The following CYLC2 variants were observed in gnomAD, a reference collection of about 807,000 sequenced individuals.
CYLC2 encodes the protein cylicin 2.
CYLC2 carries 30 observed loss-of-function variants against 26.1 expected under a neutral mutation model. The observed-to-expected ratio is 1.15, with a 90% CI of 0.86 to 1.56. CYLC2 has a LOEUF of 1.56. CYLC2 is among the 40% of genes most tolerant of loss of function. The pLI is 0.00. For synonymous variants in CYLC2, 158 were observed against 132.8 expected (o/e 1.19, Z -1.31); for missense variants, 498 against 394.4 (o/e 1.26, Z -2.23).
intron 7 of CYLC2, among the ~76,000 whole-genome samples, chr9:103,017,879 G>A (rs1451008238): frequency 1.3e-5 from 2 of 151,836 alleles, no homozygotes; most frequent in Non-Finnish European, 2.9e-5. Context: ...TCTTCACATG[G>A]TCTTTCCTCT....
In CYLC2 at chr9:103,012,544, T is replaced by C. The variant is rs774367907; in HGVS notation, c.*816+447T>C. Among the ~76,000 whole-genome samples the C allele has an allele frequency of 2.6e-5, 4 of 152,148 alleles. No individual in the cohort carries two copies. The South Asian group carries it at 6.2e-4, about 24-fold the overall frequency. On this transcript the variant is annotated intron_variant, in intron 6 of 7. Transcript: ENST00000374798. Reference sequence around the variant, plus strand: ...CTTTTTTAAATAATTCAAATGTAAGTTCTTCACTTAGCCTAATCTGAGCCC... The same window carrying C: ...CTTTTTTAAATAATTCAAATGTAAGCTCTTCACTTAGCCTAATCTGAGCCC...
chr9:103,005,925 G>A lies in CYLC2; in HGVS notation c.*247G>A, dbSNP rs955648996. The stretch of plus-strand genomic sequence containing the variant: ...TTGAAGAATACATATACTTATATTC[G>A]GGGATATGAAGGATTCAATGAATGA... On this transcript the variant is annotated 3_prime_UTR_variant, in exon 5 of 8. Transcript: ENST00000374798. 6 of 411,248 alleles carry A rather than the reference G, an allele frequency of 1.5e-5. No homozygotes were observed. The highest frequency in any genetic ancestry group is 1.1e-4 in the East Asian group (3 of 26,664). 25.5% of individuals were successfully genotyped at this position (411,248 alleles called of 1,614,324 possible).
intron 1 of CYLC2, among the ~76,000 whole-genome samples, chr9:102,995,786 G>A (rs1829230983): frequency 6.6e-6 from 1 of 151,832 alleles, no homozygotes; most frequent in African/African-American, 2.4e-5. Flanking sequence ...GAGTGTGACT[G>A]AATTTTAGAG....
chr9:103,005,741 G>A lies in CYLC2; in HGVS notation c.*63G>A. 6.7e-7 allele frequency: 1 copy of A among 1,500,482 alleles called. No individual in the cohort carries two copies. The highest frequency in any genetic ancestry group is 1.4e-5 in the South Asian group (1 of 73,158). The allele number at this position is 1,500,482 out of a possible 1,614,324, so 92.9% of individuals were successfully genotyped here. A position where few individuals can be genotyped will look rare whatever the true frequency, so the allele number is the denominator to read the frequency against. On this transcript the variant is annotated 3_prime_UTR_variant, in exon 5 of 8. Transcript: ENST00000374798. ...AAGCATATTTGATGAAACAATAGTG[G>A]TAGTCTGCAGCTGAATTTGTGAGAA... is the stretch of plus-strand genomic sequence containing the variant.
intron 5 of CYLC2, among the ~76,000 whole-genome samples, chr9:103,009,988 T>C (rs962074847): frequency 1.4e-5 from 1 of 71,494 alleles, no homozygotes; most frequent in Non-Finnish European, 2.8e-5. Flanking sequence ...ACATTTTACA[T>C]GTATGTGTAT....
chr9:103,013,123 A>G (rs1184676138), intron 6 of CYLC2, among the ~76,000 whole-genome samples: 1 of 136,122 alleles, frequency 7.3e-6, no homozygotes, highest in Non-Finnish European at 1.6e-5. Context: ...AATAATATAA[A>G]AATATATATC....
At chr9:103,007,306 C>A (rs945116021) in intron 5 of CYLC2, among the ~76,000 whole-genome samples, 1 of 152,000 alleles carries the variant, frequency 6.6e-6, no homozygotes, top group African/African-American at 2.4e-5. Flanking sequence ...ACCAATTAAG[C>A]ATCCAAAGTT....
At chr9:103,015,918 A>C (rs915565063) in intron 6 of CYLC2, among the ~76,000 whole-genome samples, 25 of 150,160 alleles carry the variant, frequency 1.7e-4, no homozygotes, top group African/African-American at 5.8e-4. Context: ...ATTCCCATTA[A>C]GGCTCAGGTC....
intron 6 of CYLC2, among the ~76,000 whole-genome samples, chr9:103,016,362 G>A (rs1389948025): frequency 2.6e-5 from 4 of 151,998 alleles, no homozygotes; most frequent in African/African-American, 9.7e-5. Flanking sequence ...AAGAAGCTCT[G>A]GGACAGCTTT....
At chr9:103,002,169 T>C (rs1829294785) in intron 2 of CYLC2, among the ~76,000 whole-genome samples, 1 of 152,038 alleles carries the variant, frequency 6.6e-6, no homozygotes, top group African/African-American at 2.4e-5. Flanking sequence ...TAATGCTGCA[T>C]GTGTCTAAAT....
intron 7 of CYLC2, 65 bp from the exon 8 acceptor site, chr9:103,018,260 A>C (rs1829527218): frequency 6.6e-6 from 1 of 151,968 alleles, no homozygotes; most frequent in African/African-American, 2.4e-5. Flanking sequence ...GATGCCCTTT[A>C]CTTTACCACT....
rs188765977 is a variant in CYLC2, at chr9:103,004,735, C to A, written c.221C>A (p.Pro74Gln). 4 of 1,605,528 alleles carry A rather than the reference C, an allele frequency of 2.5e-6. No individual in the cohort carries two copies. The highest frequency in any genetic ancestry group is 1.7e-5 in the Admixed American group (1 of 57,852). The part of the protein sequence containing the change: ...EEQLRGDRRQ[P>Q]LWMYRSLMRI... ...CAATTAAGAGGAGATCGTAGACAAC[C>A]ATTATGGATGTACCGTTCTTTAATG... is the stretch of plus-strand genomic sequence containing the variant. Residue 74 changes from proline (P) to glutamine (Q), a missense_variant, in exon 4 of 8, where the codon CCA (proline) becomes CAA (glutamine). Coordinates refer to ENST00000374798, the MANE Select transcript of CYLC2 (RefSeq NM_001340.5).
At chr9:102,996,622 A>C (rs1309011779) in intron 1 of CYLC2, among the ~76,000 whole-genome samples, 3 of 151,966 alleles carry the variant, frequency 2.0e-5, no homozygotes, top group Non-Finnish European at 4.4e-5. Flanking sequence ...AATTCATTGA[A>C]CACGCAAAAT....
rs1829329715 is a variant in CYLC2, at chr9:103,005,215, AT to A, written c.586del (p.Ser196GlnfsTer37). On this transcript the variant is annotated frameshift_variant, in exon 5 of 8. Coordinates refer to ENST00000374798, the MANE Select transcript of CYLC2 (RefSeq NM_001340.5). LOFTEE classifies it high-confidence loss of function. ...AAAGATAACAAAAAAGATAAAAAGG[AT>A]TCAAACAAAGGCAAAGACTCGGCAA... ...AKKDNKKDKK[D>X]SNKGKDSATE... 1 of 1,609,756 alleles carries A rather than the reference AT, an allele frequency of 6.2e-7. No individual in the cohort carries two copies. Among genetic ancestry groups the A allele is most frequent in the Non-Finnish European group, 8.5e-7 (1 of 1,178,940 alleles).
At chr9:102,995,494 G>A in intron 1 of CYLC2, 97 bp downstream of exon 1, 1 of 883,206 alleles carries the variant, frequency 1.1e-6, no homozygotes, top group Non-Finnish European at 1.9e-6. Context: ...TTATTATGAT[G>A]CCATTCATAA....
chr9:103,000,625 C>A (rs778244241), intron 1 of CYLC2, among the ~76,000 whole-genome samples: 25 of 151,954 alleles, frequency 1.6e-4, no homozygotes, highest in Non-Finnish European at 3.4e-4. Context: ...ATTTTTATAG[C>A]ACGAAAAAAT....
chr9:102,999,535 G>T (rs964422039), intron 1 of CYLC2, among the ~76,000 whole-genome samples: 7 of 151,136 alleles, frequency 4.6e-5, no homozygotes, highest in African/African-American at 1.2e-4. Flanking sequence ...GTTTATCTTT[G>T]CCTTGTTTCT....
chr9:103,005,787 T>A lies in CYLC2; in HGVS notation c.*109T>A. 1.7e-6 allele frequency: 2 copies of A among 1,186,812 alleles called. No homozygotes were observed. Among genetic ancestry groups the A allele is most frequent in the Non-Finnish European group, 2.4e-6 (2 of 843,446 alleles). 73.5% of individuals were successfully genotyped at this position (1,186,812 alleles called of 1,614,324 possible). On this transcript the variant is annotated 3_prime_UTR_variant, in exon 5 of 8. Transcript: ENST00000374798. ...GAGAAAACAAGAGGCCTCAAAGAAT[T>A]AAATAATTTTTAAAAGGTGGTAAAG...
rs866953695 is a variant in CYLC2 at position 103,013,033 on chromosome 9, T to A, written c.*816+936T>A. Among the ~76,000 whole-genome samples the A allele has an allele frequency of 8.8e-5, 13 of 147,664 alleles. 1 individual carries two copies. The Middle Eastern group carries it at 0.011, about 125-fold the overall frequency. ...GGGTATGATTTTATTGATAGCAAGA[T>A]TAAGAACCAAAAATGCACTTAAAAA... On this transcript the variant is annotated intron_variant, in intron 6 of 7. Transcript: ENST00000374798.
Sources: gnomAD v4.1 joint callset for allele counts (sites outside exome capture counted in the v4.1 genomes callset) on GRCh38, gnomAD v4.1.1 for gene constraint, MANE v1.5 for transcripts, NCBI Gene and HGNC (gene_info 2026-07-23, HGNC 2026-07-21) for gene names.